PLCD4: variants seen among roughly 807,000 people sequenced by gnomAD.
PLCD4 encodes 1-phosphatidylinositol 4,5-bisphosphate phosphodiesterase delta-4.
In PLCD4, 63 loss-of-function variants were observed where a neutral mutation model predicts 90.2. The observed-to-expected ratio is 0.70, with a 90% confidence interval of 0.57 to 0.86. PLCD4 has a LOEUF of 0.86. Among genes scored for constraint, PLCD4 ranks in the 40% least tolerant of loss-of-function variants. The pLI is 0.00. For missense variants in PLCD4, 830 were observed against 956.3 expected, an observed-to-expected ratio of 0.87 and a Z score of 1.74; for synonymous variants, 294 against 356.5, an observed-to-expected ratio of 0.82 and a Z score of 1.97.
At chr2:218,627,169 G>C (rs997871871) in intron 6 of PLCD4, among the ~76,000 whole-genome samples, 14 of 151,900 alleles carry the variant, frequency 9.2e-5, no homozygotes, top group African/African-American at 3.4e-4. Context: ...CCTGAGGCAG[G>C]AGAATGGCGT....
chr2:218,631,162 T>C (rs915782000), intron 9 of PLCD4, among the ~76,000 whole-genome samples: 4 of 152,040 alleles, frequency 2.6e-5, no homozygotes, highest in Non-Finnish European at 5.9e-5. Flanking sequence ...CAGCTATCGA[T>C]AGATTTTTTT....
At chr2:218,623,407 G>A (rs1255558898) in intron 6 of PLCD4, among the ~76,000 whole-genome samples, 2 of 152,174 alleles carry the variant, frequency 1.3e-5, no homozygotes, top group African/African-American at 4.8e-5. Flanking sequence ...GGAATAAGGA[G>A]GCCAGTTATT....
intron 6 of PLCD4, among the ~76,000 whole-genome samples, chr2:218,623,455 T>G (rs1444559448): frequency 1.3e-5 from 2 of 152,332 alleles, no homozygotes. Flanking sequence ...TACGCTCTTG[T>G]TCTTCAAAGT....
At position 218,637,147 on chromosome 2, in the gene PLCD4, C is replaced by T. The variant is rs1379570376; in HGVS notation, c.*570C>T. The T allele has an allele frequency of 3.3e-6, 1 of 305,674 alleles. No individual in the cohort carries two copies. The highest frequency in any genetic ancestry group is 2.2e-5 in the African/African-American group (1 of 45,572). The allele number at this position is 305,674 out of a possible 1,614,324, so 18.9% of individuals were successfully genotyped here. On this transcript the variant is annotated 3_prime_UTR_variant, in exon 16 of 16. Coordinates refer to ENST00000450993, the MANE Select transcript of PLCD4 (RefSeq NM_032726.4). The stretch of plus-strand genomic sequence containing the variant: ...CCCACTGGACTGCTTCCTCCTTAGC[C>T]CCACTGGTATAAATACATCTCTCTC...
chr2:218,611,939 CT>C (rs879620027), intron 1 of PLCD4, among the ~76,000 whole-genome samples: 3 of 149,080 alleles, frequency 2.0e-5, no homozygotes, highest in African/African-American at 5.0e-5. Context: ...CTTTTCTTTT[CT>C]TTTTTTTGAG....
intron 4 of PLCD4, among the ~76,000 whole-genome samples, chr2:218,619,243 C>T (rs1695764631): frequency 1.3e-5 from 2 of 150,538 alleles, no homozygotes; most frequent in African/African-American, 2.4e-5. Context: ...ATGTATCAGG[C>T]ACTATGCCAG....
rs543204290 is a variant in PLCD4, at chr2:218,633,334, A to G, written c.1450-271A>G. On this transcript the variant is annotated intron_variant, in intron 10 of 15. Coordinates refer to ENST00000450993, the MANE Select transcript of PLCD4 (RefSeq NM_032726.4). ...AGCAAACACAAGCCCAGAGGTTGAC[A>G]CTGATCCCAGCAGTACATGCAGACC... 78 of 702,774 alleles carry G rather than the reference A, an allele frequency of 1.1e-4. No individual in the cohort carries two copies. In the East Asian group the frequency reaches 2.0e-3, roughly 18 times the overall value. 43.5% of individuals were successfully genotyped at this position (702,774 alleles called of 1,614,324 possible).
At chr2:218,611,750 C>A (rs1188842312) in intron 1 of PLCD4, among the ~76,000 whole-genome samples, 2 of 151,104 alleles carry the variant, frequency 1.3e-5, no homozygotes, top group African/African-American at 4.9e-5. Flanking sequence ...AGGTGTGCAC[C>A]ACCACAGCCG....
chr2:218,616,016 G>A lies in PLCD4; in HGVS notation c.135G>A (p.Met45Ile). The change falls in exon 3 of 16, where the codon ATG becomes ATA. Residue 45 changes from methionine to isoleucine, a missense_variant. Met to Ile is a conservative substitution (Grantham distance 10). Transcript: ENST00000450993. ...LRYFRLQNDG[M>I]TVWHARQARG... ...ACTTCAGACTTCAGAATGACGGCAT[G>A]ACAGTCTGGCATGCACGGCAGGCCA... is the stretch of plus-strand genomic sequence containing the variant. 1 of 1,614,012 alleles carries A rather than the reference G, an allele frequency of 6.2e-7. No individual in the cohort carries two copies. The highest frequency in any genetic ancestry group is 8.5e-7 in the Non-Finnish European group (1 of 1,179,898).
intron 9 of PLCD4, among the ~76,000 whole-genome samples, chr2:218,631,849 A>G: frequency 1.3e-5 from 2 of 151,782 alleles, no homozygotes; most frequent in Non-Finnish European, 2.9e-5. Context: ...TTGTATTCTT[A>G]TGTTCTTTAT....
chr2:218,633,675 G>A lies in PLCD4; in HGVS notation c.1520G>A (p.Ser507Asn), dbSNP rs1696527810. ...VIYLKSVSFR[S>N]FTHSKEHYHF... ...TACTTGAAGTCTGTCTCATTCCGCA[G>A]CTTCACACATTCAAAGGAGCACTAC... Residue 507 changes from serine to asparagine, a missense_variant, in exon 11 of 16, where the codon AGC becomes AAC. Ser to Asn is a conservative substitution (Grantham distance 46). Coordinates refer to ENST00000450993, the MANE Select transcript of PLCD4 (RefSeq NM_032726.4). 6.2e-7 allele frequency: 1 copy of A among 1,613,414 alleles called. No individual in the cohort carries two copies. The highest frequency in any genetic ancestry group is 1.3e-5 in the African/African-American group (1 of 74,998).
At position 218,628,278 on chromosome 2, in the gene PLCD4, A is replaced by T. The variant is rs368630557; in HGVS notation, c.974+48A>T. 859 of 1,563,264 alleles carry T rather than the reference A, an allele frequency of 5.5e-4. 7 individuals are homozygous for T. Among genetic ancestry groups the T allele is most frequent in the South Asian group, 5.4e-3 (485 of 89,772 alleles). On this transcript the variant is annotated intron_variant, in intron 7 of 15. Coordinates refer to ENST00000450993, the MANE Select transcript of PLCD4 (RefSeq NM_032726.4). ...GTCCAACTCATGAGAGGGACCATGT[A>T]GAAAAGTGAGGGGAGCTGTCAGTGT...
intron 7 of PLCD4, 64 bp from the exon 8 acceptor site, chr2:218,629,455 G>A: frequency 1.3e-6 from 2 of 1,580,442 alleles, no homozygotes; most frequent in East Asian, 2.2e-5. Flanking sequence ...AGTGGGGAGA[G>A]TCCCTAGGTA....
chr2:218,619,588 C>T (rs1197352594), intron 4 of PLCD4, among the ~76,000 whole-genome samples: 1 of 151,554 alleles, frequency 6.6e-6, no homozygotes. Context: ...CCACCACACC[C>T]GGCCAGTGGT....
chr2:218,610,879 C>T (rs1194427638), intron 1 of PLCD4, among the ~76,000 whole-genome samples: 1 of 152,086 alleles, frequency 6.6e-6, no homozygotes, highest in Non-Finnish European at 1.5e-5. Context: ...AGGTGTGCAC[C>T]ACTACTCCCA....
At chr2:218,635,970 C>A in intron 14 of PLCD4, 39 bp downstream of exon 14, 1 of 1,613,226 alleles carries the variant, frequency 6.2e-7, no homozygotes, top group Non-Finnish European at 8.5e-7. Context: ...GGGGTAGGAG[C>A]ATGATTAGTT....
At chr2:218,620,423 T>C (rs902340082) in intron 4 of PLCD4, among the ~76,000 whole-genome samples, 2 of 151,974 alleles carry the variant, frequency 1.3e-5, no homozygotes, top group Non-Finnish European at 2.9e-5. Context: ...CGAGAATCAC[T>C]TGAACCGGAA....
At chr2:218,614,299 T>C (rs796077804) in intron 1 of PLCD4, among the ~76,000 whole-genome samples, 16 of 150,490 alleles carry the variant, frequency 1.1e-4, no homozygotes, top group African/African-American at 3.9e-4. Context: ...GATTACAGGC[T>C]TGAGCCACCG....
At position 218,632,349 on chromosome 2, in the gene PLCD4, T is replaced by C. The variant is rs776704727; in HGVS notation, c.1449+37T>C. Reference sequence around the variant, plus strand: ...GTGGTCTTTCTGCTGTGGTATTTAGTCAACTTATGCAAGCTGAAGGCCTGT... The same window carrying C: ...GTGGTCTTTCTGCTGTGGTATTTAGCCAACTTATGCAAGCTGAAGGCCTGT... On this transcript the variant is annotated intron_variant, in intron 10 of 15. Coordinates refer to ENST00000450993, the MANE Select transcript of PLCD4 (RefSeq NM_032726.4). 4 of 1,565,896 alleles carry C rather than the reference T, an allele frequency of 2.6e-6. No individual in the cohort carries two copies. The African/African-American group carries it at 5.4e-5, about 21-fold the overall frequency.
Sources: allele counts gnomAD v4.1 joint callset (sites outside exome capture counted in the v4.1 genomes callset), GRCh38; gene constraint gnomAD v4.1.1; transcripts MANE v1.5; gene names NCBI Gene and HGNC (gene_info 2026-07-23, HGNC 2026-07-21).